Variants in NFS1 observed in about 807,000 individuals in gnomAD.
NFS1 encodes the protein cysteine desulfurase.
NFS1 carries 26 observed loss-of-function variants against 57.3 expected under a neutral mutation model. That is an observed-to-expected ratio of 0.45 (90% CI 0.33 to 0.63). The LOEUF (loss-of-function observed/expected upper bound fraction) is 0.63. Among genes scored for constraint, NFS1 ranks in the 20% least tolerant of loss-of-function variants. The pLI, the probability that NFS1 is intolerant of heterozygous loss-of-function variation, is 0.02. For missense variants in NFS1, 505 were observed against 605.8 expected, an observed-to-expected ratio of 0.83 and a Z score of 1.75; for synonymous variants, 209 against 216.3, an observed-to-expected ratio of 0.97 and a Z score of 0.30.
At chr20:35,678,944 T>G (rs1286117295) in intron 7 of NFS1, among the ~76,000 whole-genome samples, 2 of 152,204 alleles carry the variant, frequency 1.3e-5, no homozygotes, top group Non-Finnish European at 2.9e-5. Context: ...TCAAGAATCT[T>G]ATACTATCTG....
chr20:35,690,405 A>C lies in NFS1; in HGVS notation c.561+8T>G, dbSNP rs371564648. 1 of 1,610,014 alleles carries C rather than the reference A, an allele frequency of 6.2e-7. No homozygotes were observed. The highest frequency in any genetic ancestry group is 1.3e-5 in the African/African-American group (1 of 74,522). On this transcript the variant is annotated splice_region_variant and intron_variant, in intron 5 of 12. Coordinates refer to ENST00000374092, the MANE Select transcript of NFS1 (RefSeq NM_021100.5). Reference sequence around the variant, plus strand: ...ATTTTTGCTCCTCCTGCCAATAGCCACTCCTACCTTTAGGTCAATGATCCC... The same window carrying C: ...ATTTTTGCTCCTCCTGCCAATAGCCCCTCCTACCTTTAGGTCAATGATCCC...
intron 5 of NFS1, among the ~76,000 whole-genome samples, chr20:35,688,193 G>A (rs932745342): frequency 8.5e-5 from 13 of 152,122 alleles, no homozygotes; most frequent in African/African-American, 2.4e-5. Context: ...AGGTTGCAAC[G>A]AGCCAAGATC....
intron 5 of NFS1, among the ~76,000 whole-genome samples, chr20:35,682,260 A>T (rs2034860444): frequency 6.6e-6 from 1 of 152,246 alleles, no homozygotes; most frequent in South Asian, 2.1e-4. Flanking sequence ...AGAACCCAGT[A>T]ACTGTACACT....
chr20:35,698,347 C>A, intron 2 of NFS1, 134 bp downstream of exon 2: 1 of 694,652 alleles, frequency 1.4e-6, no homozygotes, highest in African/African-American at 1.8e-5. Flanking sequence ...TTTAAGCCTC[C>A]CGACTCCTCG....
intron 5 of NFS1, among the ~76,000 whole-genome samples, chr20:35,685,487 A>C (rs2034922472): frequency 6.6e-6 from 1 of 150,772 alleles, no homozygotes. Context: ...ATGTCACTGC[A>C]CTCCAGCCTG....
At chr20:35,683,419 T>C (rs2034884614) in intron 5 of NFS1, among the ~76,000 whole-genome samples, 2 of 150,752 alleles carry the variant, frequency 1.3e-5, no homozygotes, top group Admixed American at 1.3e-4. Context: ...GGGGCAGAGG[T>C]TGCAGTGAGC....
At chr20:35,678,465 T>C (rs1386094389) in intron 7 of NFS1, among the ~76,000 whole-genome samples, 4 of 149,008 alleles carry the variant, frequency 2.7e-5, no homozygotes, top group African/African-American at 9.9e-5. Flanking sequence ...GAGGCGGAGG[T>C]TGCAGTGAGC....
chr20:35,676,359 G>A (rs561359343), intron 7 of NFS1, among the ~76,000 whole-genome samples: 16 of 151,656 alleles, frequency 1.1e-4, no homozygotes, highest in African/African-American at 3.2e-4. Context: ...CAGCCGAGGC[G>A]GACAGATCAT....
At position 35,674,169 on chromosome 20, in the gene NFS1, G is replaced by A; in HGVS notation, c.1136+181C>T. On this transcript the variant is annotated intron_variant, in intron 10 of 12. Coordinates refer to ENST00000374092, the MANE Select transcript of NFS1 (RefSeq NM_021100.5). ...CTACCCCAGGAAGTCTTCCTAGGGT[G>A]GTAAACTTCAGTCTGTACCCAGCTA... 1.8e-5 allele frequency: 11 copies of A among 603,762 alleles called. No homozygotes were observed. In the South Asian group the frequency reaches 2.1e-4, roughly 11 times the overall value. 37.4% of individuals were successfully genotyped at this position (603,762 alleles called of 1,614,324 possible).
intron 5 of NFS1, among the ~76,000 whole-genome samples, chr20:35,683,353 G>C (rs1186603864): frequency 6.6e-6 from 1 of 151,722 alleles, no homozygotes; most frequent in Non-Finnish European, 1.5e-5. Context: ...GCAGTGGCAG[G>C]CACCTGTAAT....
chr20:35,674,612 GTCATACTAA>G lies in NFS1; in HGVS notation c.949-4_953del. On this transcript the variant is annotated splice_acceptor_variant and splice_polypyrimidine_tract_variant and coding_sequence_variant and intron_variant, in exon 9 of 13. Transcript: ENST00000374092. LOFTEE classifies it high-confidence loss of function. ...CTGACAACTTTGAGATTCGCTTGTGGTCATACTAAGGAGCAGGCAAGGAAGGATTAGGCA... is the reference window on the plus strand; with the variant it reads ...CTGACAACTTTGAGATTCGCTTGTGGGGAGCAGGCAAGGAAGGATTAGGCA... The G allele has an allele frequency of 6.2e-7, 1 of 1,613,436 alleles. No homozygotes were observed. The highest frequency in any genetic ancestry group is 8.5e-7 in the Non-Finnish European group (1 of 1,179,384).
chr20:35,672,553 G>A (rs1397084746), intron 12 of NFS1, among the ~76,000 whole-genome samples: 1 of 152,074 alleles, frequency 6.6e-6, no homozygotes, highest in Non-Finnish European at 1.5e-5. Flanking sequence ...GCCCGGCCTA[G>A]TTCTTTAGTT....
At chr20:35,697,190 G>C (rs980044732) in intron 3 of NFS1, among the ~76,000 whole-genome samples, 2 of 151,718 alleles carry the variant, frequency 1.3e-5, no homozygotes, top group African/African-American at 4.8e-5. Context: ...CCAATTACTT[G>C]GGAGGCTGAG....
chr20:35,692,775 G>A (rs1486778980), intron 4 of NFS1, among the ~76,000 whole-genome samples: 4 of 152,060 alleles, frequency 2.6e-5, no homozygotes, highest in Admixed American at 2.6e-4. Flanking sequence ...ACTGAGGCAG[G>A]TGGATCACCT....
intron 1 of NFS1, 52 bp from the exon 2 acceptor site, chr20:35,698,642 C>T (rs971462102): frequency 6.5e-6 from 10 of 1,530,574 alleles, no homozygotes; most frequent in Admixed American, 2.1e-5. Flanking sequence ...CAACTATGAA[C>T]GCATGGCATC....
chr20:35,697,575 G>T, intron 3 of NFS1, 109 bp downstream of exon 3: 1 of 658,704 alleles, frequency 1.5e-6, no homozygotes, highest in Non-Finnish European at 2.6e-6. Context: ...CTTCCAGAAA[G>T]AATCCAAAAC....
intron 7 of NFS1, among the ~76,000 whole-genome samples, chr20:35,676,654 G>A (rs1487165695): frequency 2.7e-5 from 4 of 148,178 alleles, no homozygotes; most frequent in Non-Finnish European, 5.9e-5. Flanking sequence ...GCTATCATCT[G>A]GATAAAAAAG....
At position 35,699,278 on chromosome 20, in the gene NFS1, C is replaced by A; in HGVS notation, c.11G>T (p.Arg4Leu). 7.1e-7 allele frequency: 1 copy of A among 1,418,078 alleles called. No homozygotes were observed. The highest frequency in any genetic ancestry group is 9.1e-7 in the Non-Finnish European group (1 of 1,095,966). The allele number at this position is 1,418,078 out of a possible 1,614,324, so 87.8% of individuals were successfully genotyped here. Residue 4 changes from arginine to leucine, a missense_variant, in exon 1 of 13, where the codon CGA becomes CTA. Arg to Leu is a moderately radical substitution (Grantham distance 102). Coordinates refer to ENST00000374092, the MANE Select transcript of NFS1 (RefSeq NM_021100.5). This position sits in a 1 kb window ranked among gnomAD's most constrained non-coding sequence, Gnocchi z 4.4. MLL[R>L]AAWRRAAVAV... ...CACTGCCGCCCGCCTCCAAGCGGCT[C>A]GGAGCAGCATGGTCCCGCTGGCAGA... is the stretch of plus-strand genomic sequence containing the variant.
intron 8 of NFS1, 95 bp from the exon 9 acceptor site, chr20:35,674,712 G>T: frequency 1.1e-6 from 1 of 950,940 alleles, no homozygotes; most frequent in Non-Finnish European, 1.7e-6. Flanking sequence ...AAGTGACTAT[G>T]TATCAGCCCC....
Sources: gnomAD v4.1 joint callset for allele counts (sites outside exome capture counted in the v4.1 genomes callset) on GRCh38, gnomAD v4.1.1 for gene constraint, Gnocchi (gnomAD v3.1) non-coding constraint, MANE v1.5 for transcripts, NCBI Gene and HGNC (gene_info 2026-07-23, HGNC 2026-07-21) for gene names.